ZNF221: variants seen among roughly 807,000 people sequenced by gnomAD.
ZNF221 encodes zinc finger protein 221.
Under a neutral mutation model 12.6 loss-of-function variants are expected in ZNF221, and 10 were observed. The observed-to-expected ratio is 0.79, with a 90% confidence interval of 0.49 to 1.34. ZNF221 has a LOEUF of 1.34. ZNF221 is among the 40% of genes most tolerant of loss of function. The probability of loss-of-function intolerance (pLI) is 0.00; values close to 1 mark genes in which losing one functional copy is unlikely to be tolerated. For synonymous variants in ZNF221, 232 were observed against 244.0 expected (o/e 0.95, Z 0.46); for missense variants, 661 against 721.4 (o/e 0.92, Z 0.96).
chr19:43,964,471 C>T (rs1974902644), intron 2 of ZNF221, among the ~76,000 whole-genome samples: 2 of 152,148 alleles, frequency 1.3e-5, no homozygotes, highest in African/African-American at 4.8e-5. Flanking sequence ...AGCTGTCCCA[C>T]ACAGGTCACC....
At chr19:43,959,710 T>A (rs427401) in intron 1 of ZNF221, among the ~76,000 whole-genome samples, 4 of 152,084 alleles carry the variant, frequency 2.6e-5, no homozygotes, top group South Asian at 4.1e-4. Flanking sequence ...CACCAGAAGC[T>A]GAGCACATGC....
At chr19:43,980,090 G>A in the ZNF221 span, among the ~76,000 whole-genome samples, 7 of 152,128 alleles carry the variant, frequency 4.6e-5, no homozygotes, top group Non-Finnish European at 1.0e-4. Context: ...TCAGAAAGTG[G>A]GAAAGAAAAA....
rs968980296 is a variant in ZNF221 at position 43,966,612 on chromosome 19, A to G, written c.1110A>G (p.Gln370=). Residue 370 remains glutamine, a synonymous_variant, in exon 5 of 5, where the codon CAA becomes CAG. Coordinates refer to ENST00000587682, the MANE Select transcript of ZNF221 (RefSeq NM_001297588.2). ...HIEEKPYKCE[Q]CGKGFICRRD... ...AAGAGAAGCCATACAAATGTGAGCA[A>G]TGTGGAAAAGGCTTCATTTGTAGGC... The G allele has an allele frequency of 2.5e-6, 4 of 1,614,008 alleles. No individual in the cohort carries two copies. Among genetic ancestry groups the G allele is most frequent in the African/African-American group, 1.3e-5 (1 of 74,906 alleles).
the ZNF221 span, among the ~76,000 whole-genome samples, chr19:43,977,636 G>A: frequency 6.6e-6 from 1 of 152,214 alleles, no homozygotes; most frequent in Admixed American, 6.5e-5. Context: ...CATGACAGCA[G>A]CAGTCTCTTA....
chr19:43,960,362 C>T (rs577486523), intron 1 of ZNF221: 1 of 152,214 alleles, frequency 6.6e-6, no homozygotes, highest in East Asian at 1.9e-4. Context: ...AAAAGGTAAG[C>T]AGAGTATAAA....
downstream of ZNF221, among the ~76,000 whole-genome samples, chr19:43,971,311 G>A (rs961980323): frequency 2.0e-5 from 3 of 152,192 alleles, no homozygotes; most frequent in South Asian, 4.2e-4. Context: ...ACACACTGAA[G>A]TACATAGACC....
chr19:43,974,898 G>A, the ZNF221 span, among the ~76,000 whole-genome samples: 1 of 152,008 alleles, frequency 6.6e-6, no homozygotes, highest in Non-Finnish European at 1.5e-5. Flanking sequence ...GGTGGTGCAT[G>A]CCTATAATCC....
At chr19:43,951,849 C>CTTTTTTTTTTTTTTT (rs758081943) in intron 1 of ZNF221, among the ~76,000 whole-genome samples, 1 of 62,552 alleles carries the variant, frequency 1.6e-5, no homozygotes, top group African/African-American at 6.6e-5. Flanking sequence ...TCTTTGACCT[C>CTTTTTTTTTTTTTTT]TTTTTTTTTT....
chr19:43,954,925 G>A (rs441225), intron 1 of ZNF221, among the ~76,000 whole-genome samples: 147,707 of 152,162 alleles, frequency 0.97, 71,834 homozygotes, highest in East Asian at 1. Context: ...ACTGACATTG[G>A]GTATGAGCAC....
intron 1 of ZNF221, among the ~76,000 whole-genome samples, chr19:43,959,923 G>A (rs1353868124): frequency 1.3e-5 from 2 of 152,044 alleles, no homozygotes; most frequent in African/African-American, 4.8e-5. Flanking sequence ...GGCAGAGGTT[G>A]GAAAAAGTTT....
In ZNF221 at chr19:43,964,952, G is replaced by A; in HGVS notation, c.84G>A (p.Glu28=). The A allele has an allele frequency of 6.2e-7, 1 of 1,614,116 alleles. No homozygotes were observed. The highest frequency in any genetic ancestry group is 8.5e-7 in the Non-Finnish European group (1 of 1,180,006). ...GTTTTGTATGTTGGATATTTTAGGA[G>A]GCAGTGACATTCAAGGATGTGGCTG... ...EVEGKMTTFK[E]AVTFKDVAVV... The change falls in exon 3 of 5, where the codon GAG becomes GAA. Residue 28 remains glutamate, a splice_region_variant and synonymous_variant. Coordinates refer to ENST00000587682, the MANE Select transcript of ZNF221 (RefSeq NM_001297588.2).
intron 1 of ZNF221, among the ~76,000 whole-genome samples, chr19:43,958,908 G>A (rs1275074208): frequency 1.3e-5 from 2 of 152,044 alleles, no homozygotes; most frequent in Non-Finnish European, 2.9e-5. Flanking sequence ...AAGTTAAGAG[G>A]TCAAGCTCAG....
chr19:43,979,422 CATATAT>C, the ZNF221 span, among the ~76,000 whole-genome samples: 3,924 of 138,570 alleles, frequency 0.028, 151 homozygotes, highest in African/African-American at 0.085. Flanking sequence ...AACAGTAATA[CATATAT>C]ATATATATAT....
intron 2 of ZNF221, among the ~76,000 whole-genome samples, chr19:43,964,270 C>T (rs562952334): frequency 1.0e-3 from 159 of 152,148 alleles, no homozygotes; most frequent in African/African-American, 3.6e-3. Flanking sequence ...CTTGAAAAAA[C>T]GATACCAGGT....
At position 43,966,527 on chromosome 19, in the gene ZNF221, C is replaced by T. The variant is rs56023723; in HGVS notation, c.1025C>T (p.Thr342Ile). 7.1e-3 allele frequency: 11,527 copies of T among 1,614,116 alleles called. 58 individuals are homozygous for T. The highest frequency in any genetic ancestry group is 0.011 in the Middle Eastern group (68 of 6,062). Reference sequence around the variant, plus strand: ...GGAGAAAAACCATTCAGATGTGATACATGTGGCAAGAACTTTCGTCAGAGA... The same window carrying T: ...GGAGAAAAACCATTCAGATGTGATATATGTGGCAAGAACTTTCGTCAGAGA... ...HTGEKPFRCD[T>I]CGKNFRQRSA... Residue 342 changes from threonine (T) to isoleucine (I), a missense_variant, in exon 5 of 5, where the codon ACA becomes ATA. Physicochemically the swap from Thr to Ile is moderately conservative, Grantham distance 89. Transcript: ENST00000587682.
intron 1 of ZNF221, among the ~76,000 whole-genome samples, chr19:43,953,494 C>T (rs542323939): frequency 6.6e-6 from 1 of 152,174 alleles, no homozygotes; most frequent in South Asian, 2.1e-4. Context: ...AACCATTGGC[C>T]ACTGGTGATC....
At chr19:43,980,976 G>C in the ZNF221 span, among the ~76,000 whole-genome samples, 1 of 152,244 alleles carries the variant, frequency 6.6e-6, no homozygotes, top group East Asian at 1.9e-4. Flanking sequence ...CCTTTGGCTG[G>C]CCCTAGTTAG....
At chr19:43,978,954 TTTTG>T in the ZNF221 span, among the ~76,000 whole-genome samples, 4 of 147,126 alleles carry the variant, frequency 2.7e-5, no homozygotes, top group African/African-American at 1.0e-4. Flanking sequence ...TTTTTTTTTT[TTTTG>T]ATACACTATG....
chr19:43,962,251 GT>G (rs1974856711), intron 1 of ZNF221, among the ~76,000 whole-genome samples: 1 of 152,190 alleles, frequency 6.6e-6, no homozygotes, highest in Non-Finnish European at 1.5e-5. Flanking sequence ...GAACAGTGGT[GT>G]GACCGTCATC....
Sources: allele counts gnomAD v4.1 joint callset (sites outside exome capture counted in the v4.1 genomes callset), GRCh38; gene constraint gnomAD v4.1.1; transcripts MANE v1.5; gene names NCBI Gene and HGNC (gene_info 2026-07-23, HGNC 2026-07-21).